BRSK1: variants seen among roughly 807,000 people sequenced by gnomAD.
BRSK1 encodes the protein BR serine/threonine kinase 1, also known as serine/threonine-protein kinase BRSK1.
A neutral mutation model predicts 86.2 loss-of-function variants in BRSK1; 17 were observed. The ratio of observed to expected loss-of-function variants is 0.20; its 90% CI spans 0.14 to 0.30. The LOEUF is 0.30. BRSK1 is among the 10% of genes least tolerant of loss of function. The pLI, the probability that BRSK1 is intolerant of heterozygous loss-of-function variation, is 1.00. For missense variants in BRSK1, 719 were observed against 1,071.9 expected (o/e 0.67, Z 4.60); for synonymous variants, 464 against 440.1 (o/e 1.05, Z -0.68).
intron 7 of BRSK1, among the ~76,000 whole-genome samples, chr19:55,300,022 G>A (rs1053084630): frequency 2.6e-5 from 4 of 152,148 alleles, no homozygotes; most frequent in African/African-American, 9.6e-5. Flanking sequence ...ATTCCCTCCC[G>A]TCCCGTATGA....
In BRSK1 at chr19:55,302,603, A is replaced by G. The variant is rs1353056179; in HGVS notation, c.858-94A>G. The G allele has an allele frequency of 5.4e-6, 8 of 1,478,334 alleles. No individual in the cohort carries two copies. The highest frequency in any genetic ancestry group is 7.3e-6 in the Non-Finnish European group (8 of 1,091,034). The allele number at this position is 1,478,334 out of a possible 1,614,324, so 91.6% of individuals were successfully genotyped here. A position where few individuals can be genotyped will look rare whatever the true frequency, so the allele number is the denominator to read the frequency against. On this transcript the variant is annotated intron_variant, in intron 9 of 18. Transcript: ENST00000309383. This position sits in a 1 kb window ranked among gnomAD's most constrained non-coding sequence, Gnocchi z 6.3. The stretch of plus-strand genomic sequence containing the variant: ...TGAGAGAGAAGGGGCCGGGGCCTAG[A>G]CTCGGATTTCGGGGTCCGGGATCAT...
At chr19:55,305,442 C>T (rs2088635825) in intron 15 of BRSK1, 21 bp from the exon 16 acceptor site, 1 of 1,614,146 alleles carries the variant, frequency 6.2e-7, no homozygotes, top group Non-Finnish European at 8.5e-7. Flanking sequence ...AACCCTCCTC[C>T]AACCACCCCC....
chr19:55,303,320 A>G lies in BRSK1; in HGVS notation c.1038A>G (p.Gln346=), dbSNP rs763398014. The stretch of plus-strand genomic sequence containing the variant: ...CCACCCCCTGCCTTAGGGAGAACCA[A>G]GAAAAGATGATATATTATCTGCTTT... ...HRELRSEEEN[Q]EKMIYYLLLD... is the part of the protein sequence containing the mutation. The change falls in exon 11 of 19, where the codon CAA becomes CAG. Residue 346 remains glutamine (Q), a synonymous_variant. Transcript: ENST00000309383. The surrounding 1 kb of genome is among the most constrained non-coding windows in gnomAD (Gnocchi z 5.1). 6.2e-7 allele frequency: 1 copy of G among 1,613,752 alleles called. No homozygotes were observed. Among genetic ancestry groups the G allele is most frequent in the Non-Finnish European group, 8.5e-7 (1 of 1,179,850 alleles).
At chr19:55,305,019 A>C in intron 14 of BRSK1, 99 bp downstream of exon 14, 1 of 1,516,626 alleles carries the variant, frequency 6.6e-7, no homozygotes, top group Non-Finnish European at 8.8e-7. Context: ...AGAGGAAGGG[A>C]CTGGGGGCCT....
At position 55,305,598 on chromosome 19, in the gene BRSK1, G is replaced by T. The variant is rs2088638253; in HGVS notation, c.1890+12G>T. 6.2e-7 allele frequency: 1 copy of T among 1,613,734 alleles called. No homozygotes were observed. Among genetic ancestry groups the T allele is most frequent in the African/African-American group, 1.3e-5 (1 of 74,920 alleles). On this transcript the variant is annotated intron_variant, in intron 16 of 18. Coordinates refer to ENST00000309383, the MANE Select transcript of BRSK1 (RefSeq NM_032430.2). ...ATGCCTTTCTGTCGGTGAGGGGCCT[G>T]GGTCCCCATCGAGCCTGGCCCCCGC... is the stretch of plus-strand genomic sequence containing the variant.
Position 55,306,586 on chromosome 19 carries a change from C to T in BRSK1, c.2089+136C>T, listed in dbSNP as rs1260768417. 3.0e-6 allele frequency: 3 copies of T among 988,294 alleles called. No individual in the cohort carries two copies. The highest frequency in any genetic ancestry group is 4.5e-6 in the Non-Finnish European group (3 of 668,096). The allele number at this position is 988,294 out of a possible 1,614,324, so 61.2% of individuals were successfully genotyped here. ...CTGGTGCCGACTCTCTGTGCTCCTC[C>T]TGCCCACACAGACCGCCCCACAAGC... On this transcript the variant is annotated intron_variant, in intron 17 of 18. Transcript: ENST00000309383. The surrounding 1 kb of genome is among the most constrained non-coding windows in gnomAD (Gnocchi z 4.7).
chr19:55,308,609 C>T (rs376598320), intron 17 of BRSK1, 30 bp from the exon 18 acceptor site: 3 of 1,582,750 alleles, frequency 1.9e-6, no homozygotes, highest in African/African-American at 2.7e-5. Flanking sequence ...GACCCCCAGT[C>T]AGTGTTTTTC....
intron 7 of BRSK1, among the ~76,000 whole-genome samples, chr19:55,300,197 A>G (rs1251434807): frequency 6.6e-6 from 1 of 152,142 alleles, no homozygotes; most frequent in Non-Finnish European, 1.5e-5. Context: ...GCTGGTGGCT[A>G]CGTCAGAATG....
chr19:55,297,460 G>C (rs1389305710), intron 7 of BRSK1, among the ~76,000 whole-genome samples: 10 of 152,252 alleles, frequency 6.6e-5, no homozygotes, highest in African/African-American at 9.6e-5. Context: ...ACTGGCCCAC[G>C]GGCACGCAGC....
chr19:55,304,747 C>A lies in BRSK1; in HGVS notation c.1544C>A (p.Thr515Asn), dbSNP rs575665542. Residue 515 changes from threonine (T) to asparagine (N), a missense_variant, in exon 14 of 19, where the codon ACC (threonine) becomes AAC (asparagine). This residue lies in a region of BRSK1 where 143 missense variants were observed against 120.1 expected (regional missense o/e 1.19). Coordinates refer to ENST00000309383, the MANE Select transcript of BRSK1 (RefSeq NM_032430.2). The surrounding 1 kb of genome is among the most constrained non-coding windows in gnomAD (Gnocchi z 5.2). ...GGCTCCCCGCGCTCCTCTGGCGGGA[C>A]CCCCTTGCACTCGCCTCTGCACACG... ...PPGSPRSSGG[T>N]PLHSPLHTPR... 2 of 1,534,304 alleles carry A rather than the reference C, an allele frequency of 1.3e-6. No individual in the cohort carries two copies. Among genetic ancestry groups the A allele is most frequent in the South Asian group, 2.4e-5 (2 of 83,810 alleles).
rs1464897530 is a variant in BRSK1, at chr19:55,304,178, A to G, written c.1347+68A>G. On this transcript the variant is annotated intron_variant, in intron 13 of 18. Transcript: ENST00000309383. The surrounding 1 kb of genome is among the most constrained non-coding windows in gnomAD (Gnocchi z 5.2). ...TGGAGACATGGAGCAAAGATTGAGT[A>G]GCAGAAACTACAATTCCTGTGCAGT... 6.9e-7 allele frequency: 1 copy of G among 1,449,704 alleles called. No homozygotes were observed. Among genetic ancestry groups the G allele is most frequent in the Non-Finnish European group, 9.5e-7 (1 of 1,055,788 alleles). The allele number at this position is 1,449,704 out of a possible 1,614,324, so 89.8% of individuals were successfully genotyped here.
rs1201427604 is a variant in BRSK1, at chr19:55,304,535, C to T, written c.1348-16C>T. 3.2e-6 allele frequency: 5 copies of T among 1,558,148 alleles called. No individual in the cohort carries two copies. Among genetic ancestry groups the T allele is most frequent in the African/African-American group, 1.4e-5 (1 of 71,806 alleles). On this transcript the variant is annotated splice_polypyrimidine_tract_variant and intron_variant, in intron 13 of 18. Transcript: ENST00000309383. This position sits in a 1 kb window ranked among gnomAD's most constrained non-coding sequence, Gnocchi z 5.2. ...TTGTAGTCCACTCGCTTATCTCAGT[C>T]TCCTGTCCTCTGCAGAGTCCGGTCT...
intron 4 of BRSK1, among the ~76,000 whole-genome samples, chr19:55,291,707 G>A (rs1181706275): frequency 6.6e-6 from 1 of 152,154 alleles, no homozygotes; most frequent in Non-Finnish European, 1.5e-5. Context: ...GAGGGACTCA[G>A]ACTTTGGGTA....
rs956679392 is a variant in BRSK1 at position 55,312,144 on chromosome 19, G to A, written c.*76G>A. The A allele has an allele frequency of 6.1e-6, 4 of 655,126 alleles. No homozygotes were observed. The highest frequency in any genetic ancestry group is 5.8e-5 in the African/African-American group (3 of 52,160). 40.6% of individuals were successfully genotyped at this position (655,126 alleles called of 1,614,324 possible). A position where few individuals can be genotyped will look rare whatever the true frequency, so the allele number is the denominator to read the frequency against. On this transcript the variant is annotated 3_prime_UTR_variant, in exon 19 of 19. Transcript: ENST00000309383. ...CCCCCAACTGTGAATCTGTAAATAAGGCCCAAGGAACATGTCGGGAGGGGG... is the reference window on the plus strand; with the variant it reads ...CCCCCAACTGTGAATCTGTAAATAAAGCCCAAGGAACATGTCGGGAGGGGG...
chr19:55,299,364 TG>T (rs1192936881), intron 7 of BRSK1, among the ~76,000 whole-genome samples: 1 of 144,090 alleles, frequency 6.9e-6, no homozygotes, highest in African/African-American at 2.6e-5. Context: ...TGTTATAATT[TG>T]TTTTGGTTTT....
intron 7 of BRSK1, among the ~76,000 whole-genome samples, chr19:55,295,535 T>C (rs1381457951): frequency 6.6e-6 from 1 of 152,150 alleles, no homozygotes; most frequent in Non-Finnish European, 1.5e-5. Flanking sequence ...CACAGAACTG[T>C]GGGTTAAAAA....
chr19:55,302,284 G>C lies in BRSK1; in HGVS notation c.857+116G>C, dbSNP rs1600185764. 5 of 1,203,530 alleles carry C rather than the reference G, an allele frequency of 4.2e-6. No individual in the cohort carries two copies. Among genetic ancestry groups the C allele is most frequent in the Middle Eastern group, 2.2e-4 (1 of 4,488 alleles). 74.6% of individuals were successfully genotyped at this position (1,203,530 alleles called of 1,614,324 possible). On this transcript the variant is annotated intron_variant, in intron 9 of 18. Transcript: ENST00000309383. The surrounding 1 kb of genome is among the most constrained non-coding windows in gnomAD (Gnocchi z 6.3). ...GGGTTCCTGAGAGGCAACGGGCTAG[G>C]GACTCGGACTTATGGGTCCTGGGGG...
At chr19:55,298,673 C>T (rs1231758218) in intron 7 of BRSK1, among the ~76,000 whole-genome samples, 1 of 152,222 alleles carries the variant, frequency 6.6e-6, no homozygotes, top group Non-Finnish European at 1.5e-5. Flanking sequence ...ACAAAGTGAC[C>T]CTGTTTCAGC....
At position 55,288,579 on chromosome 19, in the gene BRSK1, GT is replaced by G. The variant is rs551505730; in HGVS notation, c.318-894del. 2.4e-4 allele frequency among the ~76,000 whole-genome samples: 36 copies of G among 151,856 alleles called. 1 individual carries two copies. The South Asian group carries it at 7.5e-3, about 32-fold the overall frequency. ...AGGCTTATGGGAAGGGAGTTTGGGG[GT>G]TTTTTTGTTGTTTTGTTTTTTTGAG... On this transcript the variant is annotated intron_variant, in intron 3 of 18. Transcript: ENST00000309383.
Sources: allele counts gnomAD v4.1 joint callset (sites outside exome capture counted in the v4.1 genomes callset), GRCh38; gene constraint gnomAD v4.1.1; regional missense constraint gnomAD v4.1.1; non-coding constraint Gnocchi (gnomAD v3.1); transcripts MANE v1.5; gene names NCBI Gene and HGNC (gene_info 2026-07-23, HGNC 2026-07-21).